FRMD4B: variants seen among roughly 807,000 people sequenced by gnomAD.
FRMD4B encodes the protein FERM domain containing 4B.
FRMD4B carries 74 observed loss-of-function variants against 141.5 expected under a neutral mutation model. The ratio of observed to expected loss-of-function variants is 0.52; its 90% CI spans 0.43 to 0.63. The LOEUF (loss-of-function observed/expected upper bound fraction) is 0.63. Ranked by LOEUF, FRMD4B falls within the 30% of genes least tolerant of loss-of-function variation. The pLI is 0.00. For missense variants in FRMD4B, 1,366 were observed against 1,253.4 expected (o/e 1.09, Z -1.36); for synonymous variants, 506 against 467.9 (o/e 1.08, Z -1.05).
intron 1 of FRMD4B, among the ~76,000 whole-genome samples, chr3:69,504,453 C>T (rs1468478146): frequency 1.3e-5 from 2 of 152,160 alleles, no homozygotes; most frequent in African/African-American, 4.8e-5. Flanking sequence ...AAGAAACCTA[C>T]ACCGAGTGTA....
At chr3:69,351,359 G>A (rs995390649) in intron 1 of FRMD4B, among the ~76,000 whole-genome samples, 1 of 152,150 alleles carries the variant, frequency 6.6e-6, no homozygotes, top group Non-Finnish European at 1.5e-5. Context: ...TTATGATCCC[G>A]AGACAGGCCT....
At chr3:69,343,112 T>A (rs7609810) in intron 1 of FRMD4B, among the ~76,000 whole-genome samples, 2 of 69,828 alleles carry the variant, frequency 2.9e-5, no homozygotes, top group Non-Finnish European at 7.4e-5. Context: ...CACCACCACA[T>A]CTGCCTAATT....
chr3:69,420,524 ATG>A (rs1375328244), intron 2 of FRMD4B, among the ~76,000 whole-genome samples: 1 of 152,090 alleles, frequency 6.6e-6, no homozygotes, highest in Non-Finnish European at 1.5e-5. Flanking sequence ...ATTCAGGTGA[ATG>A]TGTCTCCGGA....
intron 1 of FRMD4B, among the ~76,000 whole-genome samples, chr3:69,504,093 GT>G: frequency 6.7e-6 from 1 of 150,214 alleles, no homozygotes; most frequent in South Asian, 2.1e-4. Flanking sequence ...ATTGGCATAT[GT>G]TTTTTTGAGA....
At chr3:69,191,115 T>A (rs116253077) in intron 17 of FRMD4B, among the ~76,000 whole-genome samples, 1 of 152,218 alleles carries the variant, frequency 6.6e-6, no homozygotes, top group African/African-American at 2.4e-5. Context: ...ATTGCTGGTA[T>A]CCATCAAATG....
intron 1 of FRMD4B, among the ~76,000 whole-genome samples, chr3:69,361,898 A>C (rs1351542014): frequency 6.6e-6 from 1 of 152,220 alleles, no homozygotes; most frequent in South Asian, 2.1e-4. Context: ...GAGCTAACAG[A>C]TCATAGGATG....
intron 1 of FRMD4B, among the ~76,000 whole-genome samples, chr3:69,323,638 A>G (rs1261253067): frequency 4.7e-5 from 6 of 126,748 alleles, no homozygotes; most frequent in African/African-American, 2.1e-4. Flanking sequence ...ATATATATAT[A>G]TATATATATA....
intron 20 of FRMD4B, 58 bp downstream of exon 20, chr3:69,182,540 A>C: frequency 6.6e-7 from 1 of 1,526,362 alleles, no homozygotes. Flanking sequence ...ATAAAGCAAG[A>C]CAGAACCTCA....
intron 7 of FRMD4B, among the ~76,000 whole-genome samples, chr3:69,230,705 A>C (rs1288033807): frequency 6.6e-6 from 1 of 151,990 alleles, no homozygotes; most frequent in Non-Finnish European, 1.5e-5. Context: ...TTGAGATCGC[A>C]TCATCGCACC....
At chr3:69,223,914 AG>A (rs2093223452) in intron 8 of FRMD4B, among the ~76,000 whole-genome samples, 1 of 152,238 alleles carries the variant, frequency 6.6e-6, no homozygotes, top group African/African-American at 2.4e-5. Flanking sequence ...ATGTAGCCTC[AG>A]TACTTACTTT....
chr3:69,211,360 C>T (rs1433647518), intron 11 of FRMD4B, among the ~76,000 whole-genome samples: 1 of 152,114 alleles, frequency 6.6e-6, no homozygotes, highest in Admixed American at 6.6e-5. Context: ...AAACTCTTTC[C>T]CTGCATCACT....
intron 7 of FRMD4B, among the ~76,000 whole-genome samples, chr3:69,238,929 G>A (rs7645320): frequency 0.99 from 150,743 of 152,320 alleles, 74,624 homozygotes; most frequent in East Asian, 1. Flanking sequence ...GGGGTGATCT[G>A]GGTTAGAGTT....
At chr3:69,213,608 G>A (rs1448386848) in intron 11 of FRMD4B, among the ~76,000 whole-genome samples, 1 of 150,874 alleles carries the variant, frequency 6.6e-6, no homozygotes, top group Non-Finnish European at 1.5e-5. Context: ...TTACAAACAT[G>A]CTCTCTCATT....
chr3:69,210,705 T>C (rs997783998), intron 11 of FRMD4B, among the ~76,000 whole-genome samples: 4 of 152,102 alleles, frequency 2.6e-5, no homozygotes, highest in Non-Finnish European at 5.9e-5. Flanking sequence ...CTCACACATC[T>C]CCGAAAACAG....
intron 5 of FRMD4B, among the ~76,000 whole-genome samples, chr3:69,263,007 C>T (rs1456749556): frequency 1.3e-5 from 2 of 151,970 alleles, no homozygotes; most frequent in African/African-American, 4.8e-5. Context: ...GCCTGTCATC[C>T]CAGCACTTTG....
chr3:69,319,123 G>A (rs1701907039), intron 1 of FRMD4B, among the ~76,000 whole-genome samples: 1 of 152,154 alleles, frequency 6.6e-6, no homozygotes, highest in South Asian at 2.1e-4. Flanking sequence ...TATCAAGGGG[G>A]CATCCTCATT....
intron 7 of FRMD4B, among the ~76,000 whole-genome samples, chr3:69,230,742 T>A (rs1358890270): frequency 1.3e-5 from 2 of 150,272 alleles, no homozygotes; most frequent in African/African-American, 2.5e-5. Context: ...AGCAAGACTC[T>A]GCCTCGAAAA....
chr3:69,207,486 G>A (rs960020017), intron 11 of FRMD4B, among the ~76,000 whole-genome samples: 1 of 152,012 alleles, frequency 6.6e-6, no homozygotes, highest in African/African-American at 2.4e-5. Flanking sequence ...CAACCATGTG[G>A]TAAATGCTTA....
chr3:69,494,214 C>A (rs1274656311), intron 1 of FRMD4B, among the ~76,000 whole-genome samples: 1 of 152,128 alleles, frequency 6.6e-6, no homozygotes, highest in Non-Finnish European at 1.5e-5. Context: ...TATTGGTGAT[C>A]ATGTTCCACC....
Sources: allele counts gnomAD v4.1 joint callset (sites outside exome capture counted in the v4.1 genomes callset), GRCh38; gene constraint gnomAD v4.1.1; transcripts MANE v1.5; gene names NCBI Gene and HGNC (gene_info 2026-07-23, HGNC 2026-07-21).